SLC6A3: variants seen among roughly 807,000 people sequenced by gnomAD.
The protein encoded by SLC6A3 is solute carrier family 6 member 3, also known as sodium-dependent dopamine transporter.
SLC6A3 carries 19 observed loss-of-function variants against 70.4 expected under a neutral mutation model. The ratio of observed to expected loss-of-function variants is 0.27; its 90% CI spans 0.19 to 0.40. The LOEUF (loss-of-function observed/expected upper bound fraction) is 0.40. SLC6A3 is among the 10% of genes least tolerant of loss of function. The pLI is 1.00. For synonymous variants in SLC6A3, 368 were observed against 356.6 expected (o/e 1.03, Z -0.36); for missense variants, 613 against 838.5 (o/e 0.73, Z 3.32).
intron 7 of SLC6A3, among the ~76,000 whole-genome samples, chr5:1,415,711 T>G (rs1756273770): frequency 6.6e-6 from 1 of 151,824 alleles, no homozygotes; most frequent in Admixed American, 6.6e-5. Flanking sequence ...GGGGACACAC[T>G]CAGGGGGTTG....
Position 1,441,703 on chromosome 5 carries a change from G to GGCC in SLC6A3, c.287-214_287-213insGGC, listed in dbSNP as rs1450879898. Among the ~76,000 whole-genome samples, 246 of 152,282 alleles carry GGCC rather than the reference G, an allele frequency of 1.6e-3. 1 individual carries two copies. Among genetic ancestry groups the GGCC allele is most frequent in the African/African-American group, 5.7e-3 (237 of 41,572 alleles). On this transcript the variant is annotated intron_variant, in intron 2 of 14. Transcript: ENST00000270349. ...TGACACGTCCCTCCTGGATCCCCTT[G>GGCC]TCATTGCGCACCTCGAGCCATGAAG... is the stretch of plus-strand genomic sequence containing the variant.
At position 1,393,722 on chromosome 5, in the gene SLC6A3, G is replaced by A. The variant is rs1446059221; in HGVS notation, c.*1013C>T. On this transcript the variant is annotated 3_prime_UTR_variant, in exon 15 of 15. Coordinates refer to ENST00000270349, the MANE Select transcript of SLC6A3 (RefSeq NM_001044.5). ...TCCTGTGGGGGCCCTGCATGCGTCC[G>A]GTCCGGGGATAGGACACGCTCCTGT... The A allele has an allele frequency of 7.0e-5, 9 of 128,002 alleles. No homozygotes were observed. Among genetic ancestry groups the A allele is most frequent in the Non-Finnish European group, 1.5e-4 (9 of 60,408 alleles). The allele number at this position is 128,002 out of a possible 1,614,324, so 7.9% of individuals were successfully genotyped here.
Position 1,401,293 on chromosome 5 carries a change from A to G in SLC6A3, c.1768-307T>C, listed in dbSNP as rs1755844737. 1.7e-6 allele frequency: 1 copy of G among 593,908 alleles called. No individual in the cohort carries two copies. The highest frequency in any genetic ancestry group is 3.6e-5 in the East Asian group (1 of 27,522). 36.8% of individuals were successfully genotyped at this position (593,908 alleles called of 1,614,324 possible). On this transcript the variant is annotated intron_variant, in intron 13 of 14. Transcript: ENST00000270349. This position sits in a 1 kb window ranked among gnomAD's most constrained non-coding sequence, Gnocchi z 6.1. ...TTGAAAATAAAACGTGGTCCTGGAG[A>G]TGGCTCTTGAGTCTAAGCTACCACG...
rs143237357 is a variant in SLC6A3, at chr5:1,404,372, C to A, written c.1600-1283G>T. Among the ~76,000 whole-genome samples the A allele has an allele frequency of 6.6e-6, 1 of 152,198 alleles. No individual in the cohort carries two copies. The highest frequency in any genetic ancestry group is 2.4e-5 in the African/African-American group (1 of 41,452). On this transcript the variant is annotated intron_variant, in intron 12 of 14. Coordinates refer to ENST00000270349, the MANE Select transcript of SLC6A3 (RefSeq NM_001044.5). This position sits in a 1 kb window ranked among gnomAD's most constrained non-coding sequence, Gnocchi z 5.2. ...CCTGAGCATGCTTTAAAGAGCCACG[C>A]GTGCATCCCTGGACATGTCGGGCTT...
rs1357284813 is a variant in SLC6A3, at chr5:1,411,969, T to G, written c.1157-614A>C. Among the ~76,000 whole-genome samples, 2 of 152,062 alleles carry G rather than the reference T, an allele frequency of 1.3e-5. No individual in the cohort carries two copies. The highest frequency in any genetic ancestry group is 2.9e-5 in the Non-Finnish European group (2 of 68,014). On this transcript the variant is annotated intron_variant, in intron 8 of 14. Transcript: ENST00000270349. This position sits in a 1 kb window ranked among gnomAD's most constrained non-coding sequence, Gnocchi z 6.5. ...TCATTTGTGCATTCAAACTCATACA[T>G]GCAAGAACACATCCACATGCACGCA...
intron 7 of SLC6A3, among the ~76,000 whole-genome samples, chr5:1,415,030 A>G (rs1756250795): frequency 6.6e-6 from 1 of 152,168 alleles, no homozygotes; most frequent in South Asian, 2.1e-4. Context: ...AGGCTCAGCC[A>G]TCAAGGCTCA....
chr5:1,407,785 T>C (rs1358171560), intron 11 of SLC6A3, among the ~76,000 whole-genome samples: 1 of 152,228 alleles, frequency 6.6e-6, no homozygotes, highest in East Asian at 1.9e-4. Context: ...ACGAGGTTGA[T>C]ATTTCCGTTT....
Position 1,427,563 on chromosome 5 carries a change from A to T in SLC6A3, c.653+4901T>A, listed in dbSNP as rs147517713. On this transcript the variant is annotated intron_variant, in intron 4 of 14. Coordinates refer to ENST00000270349, the MANE Select transcript of SLC6A3 (RefSeq NM_001044.5). ...TGGAAACTCTAATTAAAAAACAGAGATTGCCATATTGGATAAAAAGCACAA... is the reference window on the plus strand; with the variant it reads ...TGGAAACTCTAATTAAAAAACAGAGTTTGCCATATTGGATAAAAAGCACAA... 4.2e-3 allele frequency among the ~76,000 whole-genome samples: 634 copies of T among 152,368 alleles called. 9 individuals are homozygous for T. The highest frequency in any genetic ancestry group is 0.014 in the African/African-American group (598 of 41,596).
At chr5:1,443,433 C>T (rs1733729648) in intron 1 of SLC6A3, among the ~76,000 whole-genome samples, 191 bp from the exon 2 acceptor site, 1 of 152,230 alleles carries the variant, frequency 6.6e-6, no homozygotes, top group Non-Finnish European at 1.5e-5. Context: ...CCAGCCCTCA[C>T]CACAGGGCTG....
At position 1,445,358 on chromosome 5, in the gene SLC6A3, G is replaced by C. The variant is rs1013774164; in HGVS notation, c.-56C>G. On this transcript the variant is annotated 5_prime_UTR_variant, in exon 1 of 15. Transcript: ENST00000270349. ...CGACGCTGGCCTCACCTGGCCGCCC[G>C]GGCCTGGGCTTTGCACGCGAGTCCT... The C allele has an allele frequency of 1.9e-5, 3 of 154,494 alleles. No individual in the cohort carries two copies. The highest frequency in any genetic ancestry group is 4.3e-5 in the Non-Finnish European group (3 of 69,540). 9.6% of individuals were successfully genotyped at this position (154,494 alleles called of 1,614,324 possible). A position where few individuals can be genotyped will look rare whatever the true frequency, so the allele number is the denominator to read the frequency against.
intron 3 of SLC6A3, among the ~76,000 whole-genome samples, chr5:1,433,030 C>T (rs1258304853): frequency 6.6e-6 from 1 of 151,822 alleles, no homozygotes; most frequent in Non-Finnish European, 1.5e-5. Flanking sequence ...CCTTATGCAC[C>T]CAGAGACCCC....
In SLC6A3 at chr5:1,438,460, G is replaced by T. The variant is rs1415817621; in HGVS notation, c.418+2899C>A. Among the ~76,000 whole-genome samples, 2 of 152,228 alleles carry T rather than the reference G, an allele frequency of 1.3e-5. No individual in the cohort carries two copies. Among genetic ancestry groups the T allele is most frequent in the African/African-American group, 4.8e-5 (2 of 41,464 alleles). ...GCCGGCTGCATTTCTTCAGAACGAG[G>T]TGCCACTGCTCACGCTGATGGAAGT... On this transcript the variant is annotated intron_variant, in intron 3 of 14. Transcript: ENST00000270349. The surrounding 1 kb of genome is among the most constrained non-coding windows in gnomAD (Gnocchi z 6.5).
intron 4 of SLC6A3, 50 bp downstream of exon 4, chr5:1,432,414 G>A: frequency 5.7e-6 from 8 of 1,412,346 alleles, no homozygotes; most frequent in East Asian, 2.3e-5. Context: ...TACCATGGGG[G>A]ACCTGGCTGC....
At chr5:1,422,909 G>C (rs377150455) in intron 4 of SLC6A3, among the ~76,000 whole-genome samples, 35 of 48,746 alleles carry the variant, frequency 7.2e-4, no homozygotes, top group South Asian at 6.4e-3. Flanking sequence ...GCTGCCCATG[G>C]TGCTGGGTAC....
At position 1,443,217 on chromosome 5, in the gene SLC6A3, G is replaced by A. The variant is rs764478743; in HGVS notation, c.-20C>T. On this transcript the variant is annotated 5_prime_UTR_variant, in exon 2 of 15. Coordinates refer to ENST00000270349, the MANE Select transcript of SLC6A3 (RefSeq NM_001044.5). ...ACTCATGGGCACACTGGGAGTTGAG[G>A]AATTCTGTGCTTCTTCCCTCTTGGT... is the stretch of plus-strand genomic sequence containing the variant. 9.9e-6 allele frequency: 16 copies of A among 1,613,710 alleles called. No individual in the cohort carries two copies. The East Asian group carries it at 3.6e-4, about 36-fold the overall frequency.
Position 1,444,564 on chromosome 5 carries a change from C to A in SLC6A3, c.-46+784G>T, listed in dbSNP as rs537437638. ...ACAAAACCTCACCCATGAGCTATCACGAGCTATGCCACGCACCCGGTGACA... is the reference window on the plus strand; with the variant it reads ...ACAAAACCTCACCCATGAGCTATCAAGAGCTATGCCACGCACCCGGTGACA... On this transcript the variant is annotated intron_variant, in intron 1 of 14. Coordinates refer to ENST00000270349, the MANE Select transcript of SLC6A3 (RefSeq NM_001044.5). Among the ~76,000 whole-genome samples, 41 of 152,366 alleles carry A rather than the reference C, an allele frequency of 2.7e-4. No individual in the cohort carries two copies. In the East Asian group the frequency reaches 7.9e-3, roughly 29 times the overall value.
rs1366714492 is a variant in SLC6A3, at chr5:1,408,227, A to G, written c.1498+799T>C. ...AATTTTTTTTTTTTTTTTTTTTAGT[A>G]AAGATGGGGTTTTACCATGTTGGCC... is the stretch of plus-strand genomic sequence containing the variant. On this transcript the variant is annotated intron_variant, in intron 11 of 14. Coordinates refer to ENST00000270349, the MANE Select transcript of SLC6A3 (RefSeq NM_001044.5). The surrounding 1 kb of genome is among the most constrained non-coding windows in gnomAD (Gnocchi z 6.4). 9.5e-6 allele frequency among the ~76,000 whole-genome samples: 1 copy of G among 105,034 alleles called. No individual in the cohort carries two copies. The highest frequency in any genetic ancestry group is 2.2e-5 in the Non-Finnish European group (1 of 46,120). 68.9% of individuals were successfully genotyped at this position (105,034 alleles called of 152,430 possible). A position where few individuals can be genotyped will look rare whatever the true frequency, so the allele number is the denominator to read the frequency against.
chr5:1,412,298 T>C (rs1156407205), intron 8 of SLC6A3, among the ~76,000 whole-genome samples: 2 of 152,222 alleles, frequency 1.3e-5, no homozygotes, highest in African/African-American at 4.8e-5. Context: ...GCAGGCCATA[T>C]TGAGACAGGC....
At chr5:1,412,849 G>A (rs112684169) in intron 8 of SLC6A3, among the ~76,000 whole-genome samples, 7 of 152,304 alleles carry the variant, frequency 4.6e-5, no homozygotes, top group Admixed American at 6.5e-5. Context: ...GCCAAGCAGC[G>A]GGGTCAGACC....
Sources: gnomAD v4.1 joint callset for allele counts (sites outside exome capture counted in the v4.1 genomes callset) on GRCh38, gnomAD v4.1.1 for gene constraint, Gnocchi (gnomAD v3.1) non-coding constraint, MANE v1.5 for transcripts, NCBI Gene and HGNC (gene_info 2026-07-23, HGNC 2026-07-21) for gene names.